CTIF: variants seen among roughly 807,000 people sequenced by gnomAD.
The protein encoded by CTIF is CBP80/20-dependent translation initiation factor.
CTIF carries 21 observed loss-of-function variants against 66.0 expected under a neutral mutation model. The ratio of observed to expected loss-of-function variants is 0.32; its 90% CI spans 0.23 to 0.46. CTIF has a LOEUF of 0.46. CTIF is among the 20% of genes least tolerant of loss of function. The pLI is 1.00. For synonymous variants in CTIF, 345 were observed against 326.4 expected (o/e 1.06, Z -0.62); for missense variants, 739 against 812.7 (o/e 0.91, Z 1.10).
At chr18:48,559,926 T>A (rs1169882217) in intron 1 of CTIF, among the ~76,000 whole-genome samples, 1 of 152,168 alleles carries the variant, frequency 6.6e-6, no homozygotes, top group Non-Finnish European at 1.5e-5. Context: ...GTAGGAAACC[T>A]GCACATGTAC....
At chr18:48,551,496 A>T (rs1392236912) in intron 1 of CTIF, among the ~76,000 whole-genome samples, 1 of 152,124 alleles carries the variant, frequency 6.6e-6, no homozygotes, top group African/African-American at 2.4e-5. Flanking sequence ...GTCCTCTGTT[A>T]TGGCAGCCAT....
intron 1 of CTIF, among the ~76,000 whole-genome samples, chr18:48,545,987 G>A (rs546358739): frequency 6.6e-6 from 1 of 152,302 alleles, no homozygotes; most frequent in East Asian, 1.9e-4. Flanking sequence ...GCATTAGAGT[G>A]AGTTAGGGGA....
chr18:48,655,841 G>A, intron 3 of CTIF, among the ~76,000 whole-genome samples: 1 of 152,174 alleles, frequency 6.6e-6, no homozygotes, highest in East Asian at 1.9e-4. Flanking sequence ...ATCCCATTCA[G>A]CCTAGTTTCT....
chr18:48,753,033 T>C (rs1564591), intron 7 of CTIF, among the ~76,000 whole-genome samples: 121,512 of 152,224 alleles, frequency 0.8, 48,735 homozygotes, highest in African/African-American at 0.88. Context: ...AGAGAAATTG[T>C]TGGTGCCTGT....
At chr18:48,650,967 C>G (rs1380941920) in intron 3 of CTIF, among the ~76,000 whole-genome samples, 1 of 152,138 alleles carries the variant, frequency 6.6e-6, no homozygotes, top group African/African-American at 2.4e-5. Flanking sequence ...CACCACCAGG[C>G]CTGCCTTACA....
intron 6 of CTIF, among the ~76,000 whole-genome samples, chr18:48,700,702 C>T (rs2092073216): frequency 6.6e-6 from 1 of 152,232 alleles, no homozygotes. Flanking sequence ...CCTCTGTTCA[C>T]TTCGAAGGGT....
intron 10 of CTIF, among the ~76,000 whole-genome samples, chr18:48,819,316 G>T (rs1483322648): frequency 2.0e-5 from 3 of 152,254 alleles, no homozygotes; most frequent in Non-Finnish European, 4.4e-5. Flanking sequence ...GAGCGGGCCT[G>T]CGTGGCCTCT....
At position 48,752,059 on chromosome 18, in the gene CTIF, C is replaced by T. The variant is rs115057970; in HGVS notation, c.585-5860C>T. 6.1e-3 allele frequency among the ~76,000 whole-genome samples: 933 copies of T among 152,308 alleles called. 11 individuals are homozygous for T. Among genetic ancestry groups the T allele is most frequent in the African/African-American group, 0.022 (900 of 41,558 alleles). ...AGACCTTTCATCTATTCCAGAGCAT[C>T]GTTTGGCGAGGTAAACATCTGATTT... On this transcript the variant is annotated intron_variant, in intron 7 of 11. Coordinates refer to ENST00000256413, the MANE Select transcript of CTIF (RefSeq NM_014772.3).
At chr18:48,795,554 T>C (rs1289145820) in intron 9 of CTIF, among the ~76,000 whole-genome samples, 2 of 152,198 alleles carry the variant, frequency 1.3e-5, no homozygotes, top group Non-Finnish European at 2.9e-5. Flanking sequence ...TTTTATCTTA[T>C]TCGGGTTTCT....
chr18:48,558,866 A>G (rs922165262), intron 1 of CTIF, among the ~76,000 whole-genome samples: 26 of 152,344 alleles, frequency 1.7e-4, no homozygotes, highest in African/African-American at 6.3e-4. Context: ...CCAATAATAA[A>G]TACACTTATT....
At chr18:48,559,555 T>C (rs2089104671) in intron 1 of CTIF, among the ~76,000 whole-genome samples, 1 of 152,214 alleles carries the variant, frequency 6.6e-6, no homozygotes, top group Admixed American at 6.5e-5. Flanking sequence ...GAGTCTGTAA[T>C]TTGGGCAGGG....
chr18:48,801,072 T>C (rs896954437), intron 9 of CTIF, among the ~76,000 whole-genome samples: 1 of 152,118 alleles, frequency 6.6e-6, no homozygotes, highest in Non-Finnish European at 1.5e-5. Flanking sequence ...TCAGAACGAA[T>C]GGAGAAGGTC....
chr18:48,692,016 G>A (rs113024335), intron 6 of CTIF, among the ~76,000 whole-genome samples: 3,034 of 152,258 alleles, frequency 0.02, 33 homozygotes, highest in Middle Eastern at 0.048. Context: ...CGAGTAGCTG[G>A]ATTACAGGCG....
chr18:48,697,671 C>T (rs947560439), intron 6 of CTIF, among the ~76,000 whole-genome samples: 1 of 152,162 alleles, frequency 6.6e-6, no homozygotes, highest in African/African-American at 2.4e-5. Context: ...CAGCCCAGTG[C>T]TCCTTCTGCT....
chr18:48,761,200 A>G lies in CTIF; in HGVS notation c.1072-190A>G. 1.7e-6 allele frequency: 1 copy of G among 588,204 alleles called. No homozygotes were observed. The highest frequency in any genetic ancestry group is 3.0e-6 in the Non-Finnish European group (1 of 335,218). The allele number at this position is 588,204 out of a possible 1,614,324, so 36.4% of individuals were successfully genotyped here. ...CCCTGGATGTCATAGGGGCCAAGAA[A>G]AAAGGCAACAAGGAGCTTTTGGCGC... On this transcript the variant is annotated intron_variant, in intron 8 of 11. Transcript: ENST00000256413. The surrounding 1 kb of genome is among the most constrained non-coding windows in gnomAD (Gnocchi z 4.2).
At chr18:48,792,144 G>A (rs1263383895) in intron 9 of CTIF, among the ~76,000 whole-genome samples, 1 of 152,234 alleles carries the variant, frequency 6.6e-6, no homozygotes. Context: ...TAAATAGGGT[G>A]ATTGGAAAAG....
intron 1 of CTIF, among the ~76,000 whole-genome samples, chr18:48,572,133 TCTTCCTTCCTC>T (rs2089430781): frequency 6.6e-6 from 1 of 152,090 alleles, no homozygotes; most frequent in South Asian, 2.1e-4. Flanking sequence ...CCTTCCTCTT[TCTTCCTTCCTC>T]CTTCCTTCCT....
intron 1 of CTIF, among the ~76,000 whole-genome samples, chr18:48,618,272 T>C (rs2144389224): frequency 6.6e-6 from 1 of 152,388 alleles, no homozygotes; most frequent in South Asian, 2.1e-4. Flanking sequence ...TTAAACCTGC[T>C]AGGACCTCGC....
At chr18:48,710,324 G>A (rs1471838276) in intron 6 of CTIF, among the ~76,000 whole-genome samples, 1 of 152,166 alleles carries the variant, frequency 6.6e-6, no homozygotes, top group Non-Finnish European at 1.5e-5. Flanking sequence ...GTGGCTCCCT[G>A]TCATCCAGCG....
Sources: gnomAD v4.1 joint callset for allele counts (sites outside exome capture counted in the v4.1 genomes callset) on GRCh38, gnomAD v4.1.1 for gene constraint, Gnocchi (gnomAD v3.1) non-coding constraint, MANE v1.5 for transcripts, NCBI Gene and HGNC (gene_info 2026-07-23, HGNC 2026-07-21) for gene names.